The following PTPRC variants were observed in gnomAD, a reference collection of about 807,000 sequenced individuals.
The protein encoded by PTPRC is receptor-type tyrosine-protein phosphatase C.
A neutral mutation model predicts 155.9 loss-of-function variants in PTPRC; 44 were observed. The observed-to-expected ratio is 0.28, with a 90% CI of 0.22 to 0.36. The LOEUF is 0.36. Among genes scored for constraint, PTPRC ranks in the 10% least tolerant of loss-of-function variants. The probability of loss-of-function intolerance (pLI) is 1.00; values close to 1 mark genes in which losing one functional copy is unlikely to be tolerated. For synonymous variants in PTPRC, 525 were observed against 533.1 expected, an observed-to-expected ratio of 0.98 and a Z score of 0.21; for missense variants, 1,401 against 1,564.6, an observed-to-expected ratio of 0.90 and a Z score of 1.76.
intron 2 of PTPRC, among the ~76,000 whole-genome samples, chr1:198,668,339 T>C (rs1182749283): frequency 1.3e-5 from 2 of 152,082 alleles, no homozygotes; most frequent in African/African-American, 4.8e-5. Context: ...CCCAGCTAAG[T>C]TATATATAAA....
rs1655332501 is a variant in PTPRC, at chr1:198,750,532, C to A, written c.3113C>A (p.Pro1038Gln). The change falls in exon 29 of 33, where the codon CCA becomes CAA. Residue 1038 changes from proline (P) to glutamine (Q), a missense_variant. By Grantham distance (76) the Pro-to-Gln change is moderately conservative. Around this residue, in one of 3 missense-constraint regions of PTPRC, gnomAD observed 400 missense variants for 389.5 expected, o/e 1.03. Coordinates refer to ENST00000442510, the MANE Select transcript of PTPRC (RefSeq NM_002838.5). ...KPEVMIAAQG[P>Q]LKETIGDFWQ... ...GAAGTGATGATTGCTGCTCAGGGAC[C>A]ACTGAAGGAGACCATTGGTGACTTT... 5.0e-6 allele frequency: 8 copies of A among 1,612,412 alleles called. No individual in the cohort carries two copies. The highest frequency in any genetic ancestry group is 6.8e-6 in the Non-Finnish European group (8 of 1,178,862).
At chr1:198,682,785 T>C (rs1665412864) in intron 2 of PTPRC, among the ~76,000 whole-genome samples, 1 of 152,214 alleles carries the variant, frequency 6.6e-6, no homozygotes, top group Admixed American at 6.5e-5. Context: ...GCTACCATTT[T>C]TGTTAGGCAT....
intron 14 of PTPRC, among the ~76,000 whole-genome samples, chr1:198,719,342 CA>C (rs1407161258): frequency 2.0e-5 from 3 of 151,924 alleles, no homozygotes; most frequent in African/African-American, 7.3e-5. Context: ...CTCTTTTATC[CA>C]GTTTTCTCCG....
At chr1:198,672,248 G>A (rs554705575) in intron 2 of PTPRC, among the ~76,000 whole-genome samples, 6 of 152,144 alleles carry the variant, frequency 3.9e-5, no homozygotes, top group Non-Finnish European at 7.3e-5. Context: ...CATATTTGAT[G>A]AGAATGTGGC....
chr1:198,756,254 A>AAAAT lies in PTPRC; in HGVS notation c.*75_*78dup. 5 of 1,563,768 alleles carry AAAAT rather than the reference A, an allele frequency of 3.2e-6. No homozygotes were observed. The highest frequency in any genetic ancestry group is 4.4e-6 in the Non-Finnish European group (5 of 1,141,520). On this transcript the variant is annotated 3_prime_UTR_variant, in exon 33 of 33. Coordinates refer to ENST00000442510, the MANE Select transcript of PTPRC (RefSeq NM_002838.5). Reference sequence around the variant, plus strand: ...TCTATTTTTGTAGAAGTAGGAAGTGAAAATAGGTATACAGTGGATTAATTA... The same window carrying AAAAT: ...TCTATTTTTGTAGAAGTAGGAAGTGAAAATAAATAGGTATACAGTGGATTAATTA...
At chr1:198,697,707 A>G (rs1291109491) in intron 4 of PTPRC, among the ~76,000 whole-genome samples, 1 of 152,216 alleles carries the variant, frequency 6.6e-6, no homozygotes, top group African/African-American at 2.4e-5. Flanking sequence ...AGGTTTATAG[A>G]CATACTCTGA....
In PTPRC at chr1:198,716,714, A is replaced by G. The variant is rs1653604959; in HGVS notation, c.1324A>G (p.Ile442Val). 1.2e-6 allele frequency: 2 copies of G among 1,612,216 alleles called. No homozygotes were observed. Among genetic ancestry groups the G allele is most frequent in the South Asian group, 2.2e-5 (2 of 90,968 alleles). The change falls in exon 13 of 33, where the codon ATC becomes GTC. Residue 442 changes from isoleucine (I) to valine (V), a missense_variant. Around this residue, in one of 3 missense-constraint regions of PTPRC, gnomAD observed 867 missense variants for 970.4 expected, o/e 0.89. Coordinates refer to ENST00000442510, the MANE Select transcript of PTPRC (RefSeq NM_002838.5). ...KDCLNLDKNLIKYDLQNLKPY... is the reference protein window; with the variant it reads ...KDCLNLDKNLVKYDLQNLKPY... ...TTGCCTCAATCTGGATAAAAACCTG[A>G]TCAAATATGATTTGCAAAATTTAAA... is the stretch of plus-strand genomic sequence containing the variant.
chr1:198,729,008 C>G (rs186260164), intron 16 of PTPRC, 129 bp from the exon 17 acceptor site: 1 of 1,029,570 alleles, frequency 9.7e-7, no homozygotes, highest in East Asian at 3.0e-5. Flanking sequence ...CTCCTCTCCT[C>G]TCTTCCCCTT....
chr1:198,713,926 G>A (rs1653437437), intron 12 of PTPRC, among the ~76,000 whole-genome samples: 1 of 152,110 alleles, frequency 6.6e-6, no homozygotes, highest in Non-Finnish European at 1.5e-5. Flanking sequence ...ATATTTTAAT[G>A]GCCTTTTCTT....
At chr1:198,656,608 A>G (rs1663583029) in intron 2 of PTPRC, among the ~76,000 whole-genome samples, 1 of 150,698 alleles carries the variant, frequency 6.6e-6, no homozygotes, top group Non-Finnish European at 1.5e-5. Context: ...AGCTAGTCTG[A>G]TGAATTCTGC....
intron 2 of PTPRC, among the ~76,000 whole-genome samples, chr1:198,648,649 T>A (rs1449403560): frequency 1.3e-5 from 2 of 151,866 alleles, no homozygotes; most frequent in Non-Finnish European, 2.9e-5. Context: ...TGCTTCTATA[T>A]CTTTAGCATA....
chr1:198,639,076 G>A lies in PTPRC; in HGVS notation c.-105G>A. The A allele has an allele frequency of 5.1e-6, 3 of 592,620 alleles. No homozygotes were observed. The highest frequency in any genetic ancestry group is 4.0e-5 in the South Asian group (2 of 50,250). 36.7% of individuals were successfully genotyped at this position (592,620 alleles called of 1,614,324 possible). A position where few individuals can be genotyped will look rare whatever the true frequency, so the allele number is the denominator to read the frequency against. On this transcript the variant is annotated 5_prime_UTR_variant, in exon 1 of 33. Coordinates refer to ENST00000442510, the MANE Select transcript of PTPRC (RefSeq NM_002838.5). ...CTAGCAGTTCATGCAGCTAGCAAGTGGTTTGTTCTTAGGGTAACAGAGGAG... is the reference window on the plus strand; with the variant it reads ...CTAGCAGTTCATGCAGCTAGCAAGTAGTTTGTTCTTAGGGTAACAGAGGAG...
At chr1:198,720,599 G>A (rs922665652) in intron 14 of PTPRC, among the ~76,000 whole-genome samples, 36 of 152,108 alleles carry the variant, frequency 2.4e-4, no homozygotes, top group African/African-American at 8.4e-4. Context: ...AAAGTGCTGG[G>A]ATTACAGGCG....
intron 12 of PTPRC, among the ~76,000 whole-genome samples, chr1:198,714,498 G>A (rs892689024): frequency 2.6e-5 from 4 of 152,092 alleles, no homozygotes; most frequent in African/African-American, 7.2e-5. Context: ...ACACTTAAAC[G>A]GGATTGAATG....
intron 2 of PTPRC, among the ~76,000 whole-genome samples, chr1:198,682,259 G>A (rs1316295817): frequency 6.6e-6 from 1 of 152,202 alleles, no homozygotes; most frequent in Non-Finnish European, 1.5e-5. Context: ...AGGGAAATAA[G>A]AAGAAATAAG....
chr1:198,703,387 A>G lies in PTPRC; in HGVS notation c.658+15A>G. ...CACAACAATAGGTGATATTACCCTC[A>G]GTCAGGCAGCCACACCATCCCCATG... On this transcript the variant is annotated intron_variant, in intron 7 of 32. Coordinates refer to ENST00000442510, the MANE Select transcript of PTPRC (RefSeq NM_002838.5). The G allele has an allele frequency of 6.2e-7, 1 of 1,611,464 alleles. No homozygotes were observed. The highest frequency in any genetic ancestry group is 1.1e-5 in the South Asian group (1 of 91,092).
In PTPRC at chr1:198,697,032, T is replaced by A. The variant is rs894553202; in HGVS notation, c.298+123T>A. On this transcript the variant is annotated intron_variant, in intron 4 of 32. Transcript: ENST00000442510. ...TTCTAAGTATGTGATTTTATTCAAG[T>A]GCAGAAATTGCAGGAAATTAGTATC... is the stretch of plus-strand genomic sequence containing the variant. 16 of 907,912 alleles carry A rather than the reference T, an allele frequency of 1.8e-5. No homozygotes were observed. The Middle Eastern group carries it at 1.6e-3, about 93-fold the overall frequency. The allele number at this position is 907,912 out of a possible 1,614,324, so 56.2% of individuals were successfully genotyped here. A position where few individuals can be genotyped will look rare whatever the true frequency, so the allele number is the denominator to read the frequency against.
At chr1:198,736,563 T>G (rs1654647874) in intron 23 of PTPRC, among the ~76,000 whole-genome samples, 2 of 151,700 alleles carry the variant, frequency 1.3e-5, no homozygotes, top group East Asian at 3.9e-4. Flanking sequence ...ATATATGTAC[T>G]ACATTTTGTT....
chr1:198,735,913 C>G (rs991893973), intron 23 of PTPRC, among the ~76,000 whole-genome samples: 4 of 151,418 alleles, frequency 2.6e-5, no homozygotes, highest in African/African-American at 4.8e-5. Context: ...TGAAAATGTT[C>G]TATAATTAGA....
Sources: allele counts gnomAD v4.1 joint callset (sites outside exome capture counted in the v4.1 genomes callset), GRCh38; gene constraint gnomAD v4.1.1; regional missense constraint gnomAD v4.1.1; transcripts MANE v1.5; gene names NCBI Gene and HGNC (gene_info 2026-07-23, HGNC 2026-07-21).